Variants in BICD1 observed in about 807,000 individuals in gnomAD.
BICD1 encodes the protein protein bicaudal D homolog 1.
A neutral mutation model predicts 92.5 loss-of-function variants in BICD1; 35 were observed. The observed-to-expected ratio is 0.38, with a 90% CI of 0.29 to 0.50. The LOEUF is 0.50. BICD1 is among the 20% of genes least tolerant of loss of function. The probability of loss-of-function intolerance (pLI) is 0.93; values close to 1 mark genes in which losing one functional copy is unlikely to be tolerated. For synonymous variants in BICD1, 429 were observed against 465.1 expected (o/e 0.92, Z 1.00); for missense variants, 950 against 1,189.8 (o/e 0.80, Z 2.97).
At position 32,358,195 on chromosome 12, in the gene BICD1, G is replaced by A. The variant is rs149026017; in HGVS notation, c.2765-9475G>A. Among the ~76,000 whole-genome samples, 302 of 152,004 alleles carry A rather than the reference G, an allele frequency of 2.0e-3. 3 individuals are homozygous for A. Among genetic ancestry groups the A allele is most frequent in the African/African-American group, 6.7e-3 (276 of 41,486 alleles). Reference sequence around the variant, plus strand: ...CAGCTCACTGCAACCTCCACCTCCCGGGTTCAAGAGTTCTCATGGCTCAGC... The same window carrying A: ...CAGCTCACTGCAACCTCCACCTCCCAGGTTCAAGAGTTCTCATGGCTCAGC... On this transcript the variant is annotated intron_variant, in intron 8 of 9. Coordinates refer to ENST00000652176, the MANE Select transcript of BICD1 (RefSeq NM_001714.4).
At position 32,379,437 on chromosome 12, in the gene BICD1, AG is replaced by A; in HGVS notation, c.*1813del. On this transcript the variant is annotated 3_prime_UTR_variant, in exon 10 of 10. Transcript: ENST00000652176. ...AAGAGTTGAAATCTTCACCAAAATA[AG>A]GGTTCAGGTTAAAGTACAGAAACAG... 1 of 152,336 alleles carries A rather than the reference AG, an allele frequency of 6.6e-6. No individual in the cohort carries two copies. The highest frequency in any genetic ancestry group is 1.9e-4 in the East Asian group (1 of 5,186). The allele number at this position is 152,336 out of a possible 1,614,324, so 9.4% of individuals were successfully genotyped here.
chr12:32,376,086 AT>A (rs11378740), intron 9 of BICD1, among the ~76,000 whole-genome samples: 158 of 140,434 alleles, frequency 1.1e-3, no homozygotes, highest in Middle Eastern at 3.7e-3. Flanking sequence ...TGCTAGTCAC[AT>A]TTTTTTTTTT....
intron 9 of BICD1, among the ~76,000 whole-genome samples, chr12:32,376,557 A>G (rs1408074470): frequency 2.0e-5 from 3 of 151,550 alleles, no homozygotes; most frequent in South Asian, 2.1e-4. Flanking sequence ...GGAAAGTTAC[A>G]TTATACACTT....
intron 2 of BICD1, among the ~76,000 whole-genome samples, chr12:32,218,374 C>A (rs1945419769): frequency 6.6e-6 from 1 of 152,120 alleles, no homozygotes; most frequent in Non-Finnish European, 1.5e-5. Context: ...AACACGGGGC[C>A]CCCTCGCAGA....
chr12:32,374,979 C>A lies in BICD1; in HGVS notation c.2841-2561C>A, dbSNP rs1248432259. Among the ~76,000 whole-genome samples the A allele has an allele frequency of 2.8e-4, 27 of 95,788 alleles. No homozygotes were observed. The Admixed American group carries it at 3.0e-3, about 11-fold the overall frequency. The allele number at this position is 95,788 out of a possible 152,430, so 62.8% of individuals were successfully genotyped here. On this transcript the variant is annotated intron_variant, in intron 9 of 9. Transcript: ENST00000652176. Reference sequence around the variant, plus strand: ...TGTCGTCCAGGCTGGAGTGCAATGGCGCGATCTCGGCTCACTGCAAGCTCC... The same window carrying A: ...TGTCGTCCAGGCTGGAGTGCAATGGAGCGATCTCGGCTCACTGCAAGCTCC...
At position 32,328,082 on chromosome 12, in the gene BICD1, G is replaced by A; in HGVS notation, c.1627G>A (p.Val543Ile). 6.2e-7 allele frequency: 1 copy of A among 1,614,132 alleles called. No individual in the cohort carries two copies. The highest frequency in any genetic ancestry group is 1.3e-5 in the African/African-American group (1 of 75,024). ...GCTGGATTACTATAGGCAGAGCAGA[G>A]TCACCCGCAGTGGCAGCCTGAAAGG... ...VMLDYYRQSRVTRSGSLKGPD... is the reference protein window; with the variant it reads ...VMLDYYRQSRITRSGSLKGPD... Residue 543 changes from valine (V) to isoleucine (I), a missense_variant, in exon 5 of 10, where the codon GTC becomes ATC. Val to Ile is a conservative substitution (Grantham distance 29). Coordinates refer to ENST00000652176, the MANE Select transcript of BICD1 (RefSeq NM_001714.4). The surrounding 1 kb of genome is among the most constrained non-coding windows in gnomAD (Gnocchi z 4.4).
At chr12:32,356,404 C>T (rs931845155) in intron 8 of BICD1, among the ~76,000 whole-genome samples, 2 of 152,132 alleles carry the variant, frequency 1.3e-5, no homozygotes, top group Admixed American at 6.6e-5. Flanking sequence ...GTAATCCCAG[C>T]GCTTTGGGAG....
Position 32,313,785 on chromosome 12 carries a change from G to T in BICD1, c.1005+7663G>T, listed in dbSNP as rs955892572. 6.6e-6 allele frequency among the ~76,000 whole-genome samples: 1 copy of T among 152,120 alleles called. No individual in the cohort carries two copies. Among genetic ancestry groups the T allele is most frequent in the African/African-American group, 2.4e-5 (1 of 41,422 alleles). On this transcript the variant is annotated intron_variant, in intron 4 of 9. Transcript: ENST00000652176. This position sits in a 1 kb window ranked among gnomAD's most constrained non-coding sequence, Gnocchi z 4.2. ...GAGGCCAGGGGTTTGAGACCAGCCTGGGCCACATGGCAAAACCCCATCTCT... is the reference window on the plus strand; with the variant it reads ...GAGGCCAGGGGTTTGAGACCAGCCTTGGCCACATGGCAAAACCCCATCTCT...
chr12:32,209,549 A>C (rs1945154098), intron 1 of BICD1, among the ~76,000 whole-genome samples: 3 of 152,246 alleles, frequency 2.0e-5, no homozygotes, highest in Non-Finnish European at 1.5e-5. Context: ...GCCACTAGCC[A>C]ACCCTTTTCT....
intron 1 of BICD1, among the ~76,000 whole-genome samples, chr12:32,154,181 A>G (rs974137188): frequency 2.6e-5 from 4 of 152,144 alleles, no homozygotes; most frequent in Admixed American, 2.0e-4. Flanking sequence ...TGATAAAGTT[A>G]ATATTATGAT....
intron 1 of BICD1, among the ~76,000 whole-genome samples, chr12:32,207,869 G>A (rs161962): frequency 0.15 from 22,274 of 152,180 alleles, 1,906 homozygotes; most frequent in East Asian, 0.22. Flanking sequence ...AGGAGGTTTA[G>A]TGTTTCACAA....
At chr12:32,242,215 C>CAAAAAAAAAA (rs4001812) in intron 2 of BICD1, among the ~76,000 whole-genome samples, 1 of 47,716 alleles carries the variant, frequency 2.1e-5, no homozygotes, top group African/African-American at 9.8e-5. Flanking sequence ...GACCCTGTCT[C>CAAAAAAAAAA]AAAAAAAAAA....
rs376643964 is a variant in BICD1, at chr12:32,360,029, CA to C, written c.2765-7635del. Among the ~76,000 whole-genome samples the C allele has an allele frequency of 5.7e-4, 86 of 152,052 alleles. 1 individual carries two copies. In the East Asian group the frequency reaches 0.015, roughly 26 times the overall value. On this transcript the variant is annotated intron_variant, in intron 8 of 9. Coordinates refer to ENST00000652176, the MANE Select transcript of BICD1 (RefSeq NM_001714.4). Reference sequence around the variant, plus strand: ...TGAAACCCCGTCTCTACTAAAAATACAAAAAATTAGCCAGGCGTGGTGGTGG... The same window carrying C: ...TGAAACCCCGTCTCTACTAAAAATACAAAAATTAGCCAGGCGTGGTGGTGG...
chr12:32,257,211 CAAAAAAAA>C (rs35294412), intron 2 of BICD1, among the ~76,000 whole-genome samples: 1 of 78,276 alleles, frequency 1.3e-5, no homozygotes, highest in Non-Finnish European at 2.3e-5. Flanking sequence ...GACTCTGTCT[CAAAAAAAA>C]AAAAAAAAAA....
At chr12:32,344,097 G>A (rs1366397661) in intron 8 of BICD1, among the ~76,000 whole-genome samples, 1 of 152,198 alleles carries the variant, frequency 6.6e-6, no homozygotes, top group Non-Finnish European at 1.5e-5. Context: ...TCTGGTAGGG[G>A]AGGTAGGAGA....
At chr12:32,170,210 T>C (rs887575491) in intron 1 of BICD1, among the ~76,000 whole-genome samples, 5 of 152,204 alleles carry the variant, frequency 3.3e-5, no homozygotes, top group African/African-American at 4.8e-5. Context: ...AAAAAATAAC[T>C]GCTAGAGTCA....
intron 8 of BICD1, among the ~76,000 whole-genome samples, chr12:32,360,400 C>T (rs1202832722): frequency 1.3e-5 from 2 of 152,044 alleles, no homozygotes; most frequent in Non-Finnish European, 2.9e-5. Context: ...AGTTTTTACA[C>T]GGTGGAAAAG....
At position 32,377,806 on chromosome 12, in the gene BICD1, T is replaced by TA. The variant is rs1565707075; in HGVS notation, c.*183dup. 2.0e-6 allele frequency: 1 copy of TA among 512,434 alleles called. No homozygotes were observed. The highest frequency in any genetic ancestry group is 3.4e-6 in the Non-Finnish European group (1 of 290,592). The allele number at this position is 512,434 out of a possible 1,614,324, so 31.7% of individuals were successfully genotyped here. A position where few individuals can be genotyped will look rare whatever the true frequency, so the allele number is the denominator to read the frequency against. ...ACACGAAGCACAGACCCTGATGTGA[T>TA]AAAACATTTTGTGGTTTCTCTGAGT... On this transcript the variant is annotated 3_prime_UTR_variant, in exon 10 of 10. Coordinates refer to ENST00000652176, the MANE Select transcript of BICD1 (RefSeq NM_001714.4).
At chr12:32,231,591 ATTTATTT>A (rs1156990561) in intron 2 of BICD1, among the ~76,000 whole-genome samples, 22 of 107,630 alleles carry the variant, frequency 2.0e-4, no homozygotes, top group Admixed American at 5.6e-4. Context: ...TTATTTATTT[ATTTATTT>A]ATTATTATAC....
Sources: allele counts gnomAD v4.1 joint callset (sites outside exome capture counted in the v4.1 genomes callset), GRCh38; gene constraint gnomAD v4.1.1; non-coding constraint Gnocchi (gnomAD v3.1); transcripts MANE v1.5; gene names NCBI Gene and HGNC (gene_info 2026-07-23, HGNC 2026-07-21).